The following SLC47A1 variants were observed in gnomAD, a reference collection of about 807,000 sequenced individuals.
The protein encoded by SLC47A1 is solute carrier family 47 member 1.
A neutral mutation model predicts 65.8 loss-of-function variants in SLC47A1; 58 were observed. The observed-to-expected ratio is 0.88, with a 90% confidence interval of 0.71 to 1.10. SLC47A1 has a LOEUF of 1.10. Among genes scored for constraint, SLC47A1 ranks in the 50% least tolerant of loss-of-function variants. The pLI, the probability that SLC47A1 is intolerant of heterozygous loss-of-function variation, is 0.00. For synonymous variants in SLC47A1, 285 were observed against 295.0 expected, an observed-to-expected ratio of 0.97 and a Z score of 0.35; for missense variants, 706 against 719.2, an observed-to-expected ratio of 0.98 and a Z score of 0.21.
chr17:19,539,497 T>G (rs1916080293), intron 1 of SLC47A1, among the ~76,000 whole-genome samples: 1 of 151,890 alleles, frequency 6.6e-6, no homozygotes, highest in Non-Finnish European at 1.5e-5. Context: ...TGGGTCTTTT[T>G]TTTTTGAGAT....
At chr17:19,553,552 T>C (rs1413737551) in intron 6 of SLC47A1, among the ~76,000 whole-genome samples, 1 of 150,198 alleles carries the variant, frequency 6.7e-6, no homozygotes, top group East Asian at 2.0e-4. Flanking sequence ...TTCCTTTTTT[T>C]TTTTTTTTTT....
Position 19,571,496 on chromosome 17 carries a change from T to C in SLC47A1, c.1328T>C (p.Ile443Thr), listed in dbSNP as rs774385051. ...LGVMGLWSGI[I>T]ICTVFQAVCF... ...TTTCTAGGTCTGTGGTCAGGGATCA[T>C]CATCTGTACAGTCTTTCAAGCTGTG... The change falls in exon 15 of 17, where the codon ATC (isoleucine) becomes ACC (threonine). Residue 443 changes from isoleucine to threonine, a missense_variant. Ile to Thr is a moderately conservative substitution (Grantham distance 89, BLOSUM62 -1). Transcript: ENST00000270570. 12 of 1,613,440 alleles carry C rather than the reference T, an allele frequency of 7.4e-6. No homozygotes were observed. In the South Asian group the frequency reaches 1.3e-4, roughly 18 times the overall value.
intron 14 of SLC47A1, among the ~76,000 whole-genome samples, chr17:19,569,556 T>C (rs117945445): frequency 3.9e-5 from 6 of 152,344 alleles, no homozygotes; most frequent in Non-Finnish European, 7.3e-5. Flanking sequence ...TGGTATGGTA[T>C]GCAGTATACC....
chr17:19,560,522 A>G (rs1401340062), intron 12 of SLC47A1, 29 bp downstream of exon 12: 1 of 1,607,222 alleles, frequency 6.2e-7, no homozygotes, highest in Non-Finnish European at 8.5e-7. Flanking sequence ...TTGAAATGTG[A>G]AATCTGTGAT....
rs779190254 is a variant in SLC47A1 at position 19,551,479 on chromosome 17, C to G, written c.543+11C>G. ...TATTTGCTCAACCAGGTAATACTGA[C>G]TGTTCTCTTCCTTTGGGAGGCTAAT... On this transcript the variant is annotated intron_variant, in intron 6 of 16. Coordinates refer to ENST00000270570, the MANE Select transcript of SLC47A1 (RefSeq NM_018242.3). The G allele has an allele frequency of 1.2e-6, 2 of 1,608,212 alleles. No homozygotes were observed. The highest frequency in any genetic ancestry group is 1.3e-5 in the African/African-American group (1 of 74,904).
At chr17:19,559,812 C>T (rs775818195) in intron 10 of SLC47A1, among the ~76,000 whole-genome samples, 39 of 151,990 alleles carry the variant, frequency 2.6e-4, no homozygotes, top group Non-Finnish European at 4.7e-4. Context: ...GGATTACAGG[C>T]ATGAGCCACC....
chr17:19,543,037 C>T (rs1182677285), intron 2 of SLC47A1, among the ~76,000 whole-genome samples: 19 of 151,782 alleles, frequency 1.3e-4, no homozygotes, highest in Non-Finnish European at 2.5e-4. Flanking sequence ...AGCAATCCAC[C>T]TGCCTTGGCC....
chr17:19,555,807 G>C lies in SLC47A1; in HGVS notation c.751G>C (p.Glu251Gln). Reference protein sequence around the residue: ...HQATWGGWSLECLQDWASFLR... With the variant: ...HQATWGGWSLQCLQDWASFLR... ...TGTCCCCCCCACAGGCTGGTCCCTC[G>C]AGTGCCTGCAGGACTGGGCCTCCTT... The change falls in exon 9 of 17, where the codon GAG becomes CAG. Residue 251 changes from glutamate to glutamine, a missense_variant. Glu to Gln is a conservative substitution (Grantham distance 29). Transcript: ENST00000270570. The C allele has an allele frequency of 6.2e-7, 1 of 1,613,502 alleles. No individual in the cohort carries two copies. The highest frequency in any genetic ancestry group is 1.6e-4 in the Middle Eastern group (1 of 6,062).
intron 12 of SLC47A1, among the ~76,000 whole-genome samples, chr17:19,565,642 A>G (rs2084350429): frequency 1.5e-5 from 2 of 135,700 alleles, no homozygotes; most frequent in South Asian, 4.5e-4. Flanking sequence ...GTGCAGTGGC[A>G]TGATCTCAGC....
Position 19,555,244 on chromosome 17 carries a change from T to G in SLC47A1, c.576T>G (p.Val192=). ...TACTGCCCCAGATCGTAACTGGAGT[T>G]GCAGCCAACCTTGTCAATGCCCTCG... is the stretch of plus-strand genomic sequence containing the variant. ...GIVLPQIVTG[V]AANLVNALAN... Residue 192 remains valine (V), a synonymous_variant, in exon 7 of 17, where the codon GTT becomes GTG. Transcript: ENST00000270570. 1 of 1,614,238 alleles carries G rather than the reference T, an allele frequency of 6.2e-7. No homozygotes were observed. The highest frequency in any genetic ancestry group is 8.5e-7 in the Non-Finnish European group (1 of 1,180,040).
intron 4 of SLC47A1, among the ~76,000 whole-genome samples, chr17:19,549,327 T>C (rs192692458): frequency 9.2e-5 from 14 of 152,052 alleles, no homozygotes; most frequent in Non-Finnish European, 2.1e-4. Context: ...GCCTCCCAAG[T>C]GGCTGGGATT....
intron 3 of SLC47A1, 61 bp from the exon 4 acceptor site, chr17:19,547,924 A>G (rs1429736096): frequency 2.0e-6 from 3 of 1,494,044 alleles, no homozygotes; most frequent in South Asian, 2.8e-5. Flanking sequence ...GAAGGCTTTT[A>G]GGGGACAGCT....
At chr17:19,542,217 C>A (rs1198443147) in intron 1 of SLC47A1, among the ~76,000 whole-genome samples, 176 bp from the exon 2 acceptor site, 1 of 152,176 alleles carries the variant, frequency 6.6e-6, no homozygotes, top group African/African-American at 2.4e-5. Flanking sequence ...TTTCAAGAAG[C>A]CTCCCATCCC....
intron 4 of SLC47A1, among the ~76,000 whole-genome samples, chr17:19,549,187 C>CA (rs1567967809): frequency 1.3e-5 from 2 of 151,918 alleles, no homozygotes; most frequent in Non-Finnish European, 2.9e-5. Context: ...TAAATTTTCA[C>CA]ATTTGCTCCG....
At chr17:19,549,802 C>T in intron 5 of SLC47A1, 125 bp downstream of exon 5, 1 of 1,012,560 alleles carries the variant, frequency 9.9e-7, no homozygotes, top group Admixed American at 2.0e-5. Context: ...TTGGTGCCTT[C>T]AAGGAAGCCT....
At chr17:19,537,251 A>G (rs1916012469) in intron 1 of SLC47A1, among the ~76,000 whole-genome samples, 1 of 152,224 alleles carries the variant, frequency 6.6e-6, no homozygotes, top group African/African-American at 2.4e-5. Context: ...CAGGGCAGAA[A>G]TATCAGAGAA....
rs757292383 is a variant in SLC47A1, at chr17:19,556,052, T to C, written c.911T>C (p.Ile304Thr). Residue 304 changes from isoleucine (I) to threonine (T), a missense_variant, in exon 10 of 17, where the codon ATT becomes ACT. Transcript: ENST00000270570. ...AQSIVYELAI[I>T]VYMVPAGFSV... ...TCCATCGTGTATGAACTGGCCATCA[T>C]TGTGTACATGGTAAGCAGGGGAGCC... The C allele has an allele frequency of 5.6e-6, 9 of 1,613,874 alleles. No individual in the cohort carries two copies. The East Asian group carries it at 1.8e-4, about 32-fold the overall frequency.
At position 19,577,971 on chromosome 17, in the gene SLC47A1, ATTTG is replaced by A; in HGVS notation, c.*422_*425del. ...GATTACTATTCACTGGGCAAATGGT[ATTTG>A]TTTTTGTTTTAATTTTTTTTTTAAT... On this transcript the variant is annotated 3_prime_UTR_variant, in exon 17 of 17. Coordinates refer to ENST00000270570, the MANE Select transcript of SLC47A1 (RefSeq NM_018242.3). 1 of 1,284,056 alleles carries A rather than the reference ATTTG, an allele frequency of 7.8e-7. No homozygotes were observed. The highest frequency in any genetic ancestry group is 1.0e-6 in the Non-Finnish European group (1 of 987,556). 79.5% of individuals were successfully genotyped at this position (1,284,056 alleles called of 1,614,324 possible).
rs150632967 is a variant in SLC47A1, at chr17:19,548,042, G to C, written c.364G>C (p.Val122Leu). 2 of 1,614,116 alleles carry C rather than the reference G, an allele frequency of 1.2e-6. No homozygotes were observed. The highest frequency in any genetic ancestry group is 2.2e-5 in the East Asian group (1 of 44,876). ...VGVILQRSAL[V>L]LLLCCFPCWA... ...CGTGATCCTGCAGCGGAGTGCGCTC[G>C]TCCTGCTCCTCTGCTGCTTCCCCTG... Residue 122 changes from valine (V) to leucine (L), a missense_variant, in exon 4 of 17, where the codon GTC (valine) becomes CTC (leucine). Coordinates refer to ENST00000270570, the MANE Select transcript of SLC47A1 (RefSeq NM_018242.3).
Sources: allele counts gnomAD v4.1 joint callset (sites outside exome capture counted in the v4.1 genomes callset), GRCh38; gene constraint gnomAD v4.1.1; transcripts MANE v1.5; gene names NCBI Gene and HGNC (gene_info 2026-07-23, HGNC 2026-07-21).